The following MORC2 variants were observed in gnomAD, a reference collection of about 807,000 sequenced individuals.
MORC2 encodes ATPase MORC2.
A neutral mutation model predicts 136.0 loss-of-function variants in MORC2; 30 were observed. The observed-to-expected ratio is 0.22, with a 90% CI of 0.17 to 0.30. The LOEUF (loss-of-function observed/expected upper bound fraction) is 0.30. Ranked by LOEUF, MORC2 falls within the 10% of genes least tolerant of loss-of-function variation. MORC2 has a pLI of 1.00. For synonymous variants in MORC2, 439 were observed against 487.0 expected (o/e 0.90, Z 1.30); for missense variants, 922 against 1,333.1 (o/e 0.69, Z 4.80).
intron 6 of MORC2, among the ~76,000 whole-genome samples, chr22:30,944,311 C>T (rs1006353877): frequency 6.6e-6 from 1 of 152,152 alleles, no homozygotes; most frequent in African/African-American, 2.4e-5. Flanking sequence ...TCTTCACAGC[C>T]ATCCCAGGTG....
chr22:30,938,242 C>G (rs779811654), intron 12 of MORC2, 37 bp from the exon 13 acceptor site: 2 of 1,610,618 alleles, frequency 1.2e-6, no homozygotes, highest in Non-Finnish European at 1.7e-6. Flanking sequence ...ATCTACACAT[C>G]GGCACACAAG....
intron 20 of MORC2, among the ~76,000 whole-genome samples, chr22:30,933,801 C>T (rs1319202930): frequency 1.3e-5 from 2 of 152,198 alleles, no homozygotes; most frequent in Non-Finnish European, 2.9e-5. Context: ...AGAAGCCAGT[C>T]TCACTCAAGA....
chr22:30,936,973 G>A lies in MORC2; in HGVS notation c.1563C>T (p.Asp521=), dbSNP rs1006254899. ...QLSSVEKDYP[D]TWVCSMNPDP... is the part of the protein sequence containing the mutation. ...CAGGGTTCATGGAGCAAACCCAGGT[G>A]TCAGGGTAATCTTTTTCCACAGAAC... The change falls in exon 16 of 26, where the codon GAC becomes GAT. Residue 521 remains aspartate (D), a synonymous_variant. Coordinates refer to ENST00000397641, the MANE Select transcript of MORC2 (RefSeq NM_001303256.3). The A allele has an allele frequency of 1.2e-6, 2 of 1,614,138 alleles. No individual in the cohort carries two copies. The highest frequency in any genetic ancestry group is 3.3e-5 in the Admixed American group (2 of 60,028).
At chr22:30,949,307 ATC>A (rs1006923612) in intron 5 of MORC2, among the ~76,000 whole-genome samples, 6 of 152,138 alleles carry the variant, frequency 3.9e-5, no homozygotes, top group Non-Finnish European at 5.9e-5. Flanking sequence ...GAGGGCTCAC[ATC>A]TCTCTTCCTT....
chr22:30,935,226 T>C (rs2040635850), intron 18 of MORC2, 22 bp downstream of exon 18: 4 of 1,612,568 alleles, frequency 2.5e-6, no homozygotes, highest in Non-Finnish European at 3.4e-6. Flanking sequence ...GGAAAAGCCC[T>C]TCCCAGGCCC....
intron 21 of MORC2, 137 bp from the exon 22 acceptor site, chr22:30,933,167 C>T: frequency 1.5e-6 from 2 of 1,295,290 alleles, no homozygotes; most frequent in Non-Finnish European, 2.1e-6. Context: ...ACACCAGGGA[C>T]ACAGAGACCA....
At chr22:30,958,612 C>A in intron 2 of MORC2, 29 bp downstream of exon 2, 1 of 1,530,656 alleles carries the variant, frequency 6.5e-7, no homozygotes, top group East Asian at 2.5e-5. Context: ...CCACTTCAAG[C>A]ACAGATTGTA....
At position 30,941,917 on chromosome 22, in the gene MORC2, C is replaced by T. The variant is rs893153652; in HGVS notation, c.672G>A (p.Gln224=). The T allele has an allele frequency of 1.2e-6, 2 of 1,613,422 alleles. No homozygotes were observed. Among genetic ancestry groups the T allele is most frequent in the Admixed American group, 3.3e-5 (2 of 60,004 alleles). The change falls in exon 8 of 26, where the codon CAG becomes CAA. Residue 224 remains glutamine (Q), a synonymous_variant. Coordinates refer to ENST00000397641, the MANE Select transcript of MORC2 (RefSeq NM_001303256.3). The surrounding 1 kb of genome is among the most constrained non-coding windows in gnomAD (Gnocchi z 4.6). The stretch of plus-strand genomic sequence containing the variant: ...TGCCCTCTGGGGACGTCTCTGCCAT[C>T]TGGATATCTCTTGGATTTGAGATTA... ...LDIISNPRDI[Q]MAETSPEGTK...
intron 5 of MORC2, among the ~76,000 whole-genome samples, chr22:30,948,712 A>G (rs937859970): frequency 6.6e-6 from 1 of 152,184 alleles, no homozygotes; most frequent in African/African-American, 2.4e-5. Context: ...GGCATTTTTA[A>G]TGCCTTTGGG....
At chr22:30,943,993 C>CATG (rs1296483124) in intron 6 of MORC2, among the ~76,000 whole-genome samples, 1 of 152,210 alleles carries the variant, frequency 6.6e-6, no homozygotes, top group Non-Finnish European at 1.5e-5. Context: ...GTCTTGACCA[C>CATG]ATGATCTGCC....
chr22:30,938,170 A>C lies in MORC2; in HGVS notation c.1109T>G (p.Phe370Cys). Residue 370 changes from phenylalanine to cysteine, a missense_variant, in exon 13 of 26, where the codon TTT (phenylalanine) becomes TGT (cysteine). Physicochemically the swap from Phe to Cys is radical, Grantham distance 205. Coordinates refer to ENST00000397641, the MANE Select transcript of MORC2 (RefSeq NM_001303256.3). ...LKEPKELNFV[F>C]GVNIEHRDLD... is the part of the protein sequence containing the mutation. ...ATCCCGGTGTTCAATGTTGACACCA[A>C]AAACAAAATTCAGTTCCTTAGGTTC... 6.2e-7 allele frequency: 1 copy of C among 1,614,162 alleles called. No individual in the cohort carries two copies. Among genetic ancestry groups the C allele is most frequent in the Non-Finnish European group, 8.5e-7 (1 of 1,180,014 alleles).
At chr22:30,930,918 C>T (rs936902387) in intron 24 of MORC2, among the ~76,000 whole-genome samples, 2 of 152,228 alleles carry the variant, frequency 1.3e-5, no homozygotes, top group African/African-American at 4.8e-5. Flanking sequence ...GCCACATAAA[C>T]CTCCACTCGT....
At chr22:30,963,400 T>G in intron 1 of MORC2, 1 of 810,086 alleles carries the variant, frequency 1.2e-6, no homozygotes, top group Non-Finnish European at 1.5e-6. Context: ...TTTTTTTTTT[T>G]TGAGAGATGG....
At chr22:30,964,301 G>A (rs572057656) in intron 1 of MORC2, among the ~76,000 whole-genome samples, 77 of 152,256 alleles carry the variant, frequency 5.1e-4, no homozygotes, top group Non-Finnish European at 7.9e-4. Context: ...AGGTTGCAGT[G>A]AGGCGAGATG....
At chr22:30,939,565 A>G in intron 12 of MORC2, 56 bp downstream of exon 12, 1 of 1,554,742 alleles carries the variant, frequency 6.4e-7, no homozygotes, top group Non-Finnish European at 8.8e-7. Flanking sequence ...ACCTGTCAAT[A>G]ATCAGTCCAA....
intron 1 of MORC2, 48 bp downstream of exon 1, chr22:30,967,774 C>T (rs1293455169): frequency 1.3e-6 from 2 of 1,548,258 alleles, no homozygotes; most frequent in African/African-American, 1.4e-5. Context: ...CATATAATAT[C>T]AAGGAACGAG....
intron 1 of MORC2, among the ~76,000 whole-genome samples, chr22:30,959,811 T>C (rs760638451): frequency 6.6e-6 from 1 of 152,224 alleles, no homozygotes; most frequent in African/African-American, 2.4e-5. Context: ...ATGAAATATA[T>C]CAATAGTAAA....
intron 2 of MORC2, among the ~76,000 whole-genome samples, chr22:30,957,481 A>G (rs1394090523): frequency 6.6e-6 from 1 of 152,272 alleles, no homozygotes; most frequent in African/African-American, 2.4e-5. Flanking sequence ...CTGGTTTTAC[A>G]TGCAAAAAAT....
intron 20 of MORC2, 115 bp downstream of exon 20, chr22:30,933,945 G>T: frequency 1.5e-6 from 2 of 1,307,516 alleles, no homozygotes; most frequent in Non-Finnish European, 2.1e-6. Context: ...GACTGCTGGT[G>T]GGTTGTGTAG....
Sources: gnomAD v4.1 joint callset for allele counts (sites outside exome capture counted in the v4.1 genomes callset) on GRCh38, gnomAD v4.1.1 for gene constraint, Gnocchi (gnomAD v3.1) non-coding constraint, MANE v1.5 for transcripts, NCBI Gene and HGNC (gene_info 2026-07-23, HGNC 2026-07-21) for gene names.